Variants in LDLRAD4 observed in about 807,000 individuals in gnomAD.
LDLRAD4 encodes the protein low-density lipoprotein receptor class A domain-containing protein 4.
In LDLRAD4, 5 loss-of-function variants were observed where a neutral mutation model predicts 17.0. That is an observed-to-expected ratio of 0.29 (90% CI 0.15 to 0.62). The LOEUF (loss-of-function observed/expected upper bound fraction) is 0.62, where lower values mean the gene tolerates loss of function less well. LDLRAD4 is among the 20% of genes least tolerant of loss of function. LDLRAD4 has a pLI of 0.84. For missense variants in LDLRAD4, 340 were observed against 424.7 expected, an observed-to-expected ratio of 0.80 and a Z score of 1.75; for synonymous variants, 168 against 171.8, an observed-to-expected ratio of 0.98 and a Z score of 0.17.
rs1387101213 is a variant in LDLRAD4, at chr18:13,498,956, A to G, written c.181+60572A>G. ...CACCGGAGAATCCTTCTCGCCATAC[A>G]TGTCCTGCTGTGGACACTGGAGAAT... On this transcript the variant is annotated intron_variant, in intron 3 of 5. Coordinates refer to ENST00000359446, the Ensembl canonical transcript of LDLRAD4. 7.5e-5 allele frequency among the ~76,000 whole-genome samples: 10 copies of G among 134,122 alleles called. No individual in the cohort carries two copies. The East Asian group carries it at 1.2e-3, about 17-fold the overall frequency. 88.0% of individuals were successfully genotyped at this position (134,122 alleles called of 152,430 possible). A position where few individuals can be genotyped will look rare whatever the true frequency, so the allele number is the denominator to read the frequency against.
chr18:13,566,367 C>CTT (rs11462818), intron 3 of LDLRAD4, among the ~76,000 whole-genome samples: 67,604 of 143,338 alleles, frequency 0.47, 16,170 homozygotes, highest in Admixed American at 0.51. Flanking sequence ...ATGCCTTAGA[C>CTT]TTTTTTTTTT....
chr18:13,310,183 CAAAA>C lies in LDLRAD4; in HGVS notation c.-383+32009_-383+32012del, dbSNP rs5823247. Among the ~76,000 whole-genome samples the C allele has an allele frequency of 9.8e-4, 137 of 139,202 alleles. 4 individuals carry two copies. The highest frequency in any genetic ancestry group is 6.6e-4 in the Non-Finnish European group (43 of 64,940). The allele number at this position is 139,202 out of a possible 152,430, so 91.3% of individuals were successfully genotyped here. A position where few individuals can be genotyped will look rare whatever the true frequency, so the allele number is the denominator to read the frequency against. ...AACATAGTGAGACCCCTGTCTCTAC[CAAAA>C]AAAAAAAAAAAAATTAGCCGGGTGT... On this transcript the variant is annotated intron_variant, in intron 1 of 5. Transcript: ENST00000359446.
chr18:13,442,610 G>T (rs1027065407), intron 3 of LDLRAD4, among the ~76,000 whole-genome samples: 1 of 152,210 alleles, frequency 6.6e-6, no homozygotes, highest in African/African-American at 2.4e-5. Flanking sequence ...CCTGCTGGCC[G>T]GCCGGCTGCG....
intron 1 of LDLRAD4, among the ~76,000 whole-genome samples, chr18:13,284,410 G>A (rs568724532): frequency 2.6e-5 from 4 of 152,202 alleles, no homozygotes; most frequent in East Asian, 1.9e-4. Flanking sequence ...ATACTTTGAC[G>A]CTTTGCTTTA....
intron 4 of LDLRAD4, among the ~76,000 whole-genome samples, chr18:13,635,931 CTGTGTGTGTGTGTG>C (rs60695092): frequency 2.1e-4 from 31 of 147,448 alleles, no homozygotes; most frequent in African/African-American, 4.6e-4. Context: ...GACAGCTATG[CTGTGTGTGTGTGTG>C]TGTGTGTGTG....
chr18:13,438,954 G>A (rs115057220), intron 3 of LDLRAD4, among the ~76,000 whole-genome samples: 1 of 152,210 alleles, frequency 6.6e-6, no homozygotes, highest in Non-Finnish European at 1.5e-5. Flanking sequence ...CATGGTTTTT[G>A]TGACAAGGAA....
chr18:13,262,759 C>T (rs1373791622), intron 1 of LDLRAD4, among the ~76,000 whole-genome samples: 41 of 42,238 alleles, frequency 9.7e-4, no homozygotes, highest in South Asian at 1.0e-3. Flanking sequence ...CCCGTGCGGC[C>T]CTGTGCGTGG....
chr18:13,504,927 C>T (rs1378790901), intron 3 of LDLRAD4, among the ~76,000 whole-genome samples: 1 of 152,130 alleles, frequency 6.6e-6, no homozygotes, highest in Non-Finnish European at 1.5e-5. Flanking sequence ...CTAGAGGACA[C>T]ATGCACCGAC....
chr18:13,333,016 C>T (rs2081943645), intron 1 of LDLRAD4, among the ~76,000 whole-genome samples: 1 of 152,064 alleles, frequency 6.6e-6, no homozygotes, highest in African/African-American at 2.4e-5. Context: ...GTGATGGTAC[C>T]ATGTTGCATT....
rs1491536129 is a variant in LDLRAD4 at position 13,610,305 on chromosome 18, T to TTTTTTTTTTTTTTTTTTTTTTTTTC, written c.182-10812_182-10811insTTTTTTTTTTTTTTTTTTTTTTTTC. On this transcript the variant is annotated intron_variant, in intron 3 of 5. Coordinates refer to ENST00000359446, the Ensembl canonical transcript of LDLRAD4. ...TTTTTTTTTTTTTTTTTTTTTTTTT[T>TTTTTTTTTTTTTTTTTTTTTTTTTC]GAGACGGAGTCTCACTCTGTCGCCC... Among the ~76,000 whole-genome samples the TTTTTTTTTTTTTTTTTTTTTTTTTC allele has an allele frequency of 4.5e-4, 11 of 24,362 alleles. 4 individuals are homozygous for TTTTTTTTTTTTTTTTTTTTTTTTTC. The highest frequency in any genetic ancestry group is 6.9e-4 in the Non-Finnish European group (8 of 11,544). 16.0% of individuals were successfully genotyped at this position (24,362 alleles called of 152,430 possible).
In LDLRAD4 at chr18:13,642,574, T is replaced by G. The variant is rs1188268786; in HGVS notation, c.337-785T>G. The G allele has an allele frequency of 7.3e-6, 9 of 1,228,392 alleles. No individual in the cohort carries two copies. In the East Asian group the frequency reaches 2.5e-4, roughly 35 times the overall value. 76.1% of individuals were successfully genotyped at this position (1,228,392 alleles called of 1,614,324 possible). A position where few individuals can be genotyped will look rare whatever the true frequency, so the allele number is the denominator to read the frequency against. ...GGAGAAGACACTCGCTGGAGGATCC[T>G]GAGCCCAGGCTCGGAAAGGGCCGTC... is the stretch of plus-strand genomic sequence containing the variant. On this transcript the variant is annotated intron_variant, in intron 4 of 5. Coordinates refer to ENST00000359446, the Ensembl canonical transcript of LDLRAD4.
chr18:13,226,200 T>TTTTTTTTTTTTTG lies in LDLRAD4; in HGVS notation c.-467+7213_-467+7214insTTTTTTTTTTTGT, dbSNP rs1399999238. Among the ~76,000 whole-genome samples, 299 of 143,244 alleles carry TTTTTTTTTTTTTG rather than the reference T, an allele frequency of 2.1e-3. 12 individuals are homozygous for TTTTTTTTTTTTTG. The highest frequency in any genetic ancestry group is 3.9e-3 in the Non-Finnish European group (256 of 65,864). 94.0% of individuals were successfully genotyped at this position (143,244 alleles called of 152,430 possible). Reference sequence around the variant, plus strand: ...CCTTGCTTTTTTTTTTTTTTTTTTTTTGTAGAGACCGGGTTTCGCCATGTT... The same window carrying TTTTTTTTTTTTTG: ...CCTTGCTTTTTTTTTTTTTTTTTTTTTTTTTTTTTTTTGTGTAGAGACCGGGTTTCGCCATGTT... On this transcript the variant is annotated intron_variant, in intron 1 of 5. Coordinates refer to the LDLRAD4 transcript ENST00000399848.
chr18:13,578,825 G>GTTTTTTTTTTTTTTTT (rs1286958694), intron 3 of LDLRAD4, among the ~76,000 whole-genome samples: 4 of 49,884 alleles, frequency 8.0e-5, no homozygotes, highest in African/African-American at 2.6e-4. Flanking sequence ...AGTTGTCCGG[G>GTTTTTTTTTTTTTTTT]TCTTTTTTTT....
chr18:13,471,032 G>A (rs552026948), intron 3 of LDLRAD4: 1 of 152,290 alleles, frequency 6.6e-6, no homozygotes, highest in African/African-American at 2.4e-5. Context: ...CTTTACTGTG[G>A]GTGAAAGAGC....
chr18:13,450,326 A>T (rs56063564), intron 3 of LDLRAD4, among the ~76,000 whole-genome samples: 6 of 68,054 alleles, frequency 8.8e-5, no homozygotes, highest in Admixed American at 3.5e-4. Flanking sequence ...CTCTCCCCCC[A>T]CCCCCCCCCC....
intron 3 of LDLRAD4, among the ~76,000 whole-genome samples, chr18:13,618,922 T>C (rs1456554654): frequency 2.0e-5 from 3 of 152,208 alleles, no homozygotes; most frequent in Non-Finnish European, 2.9e-5. Context: ...CTTTCATGCT[T>C]ATCCCTGGGC....
chr18:13,423,377 T>C lies in LDLRAD4; in HGVS notation c.41-14867T>C, dbSNP rs538458151. 7.2e-5 allele frequency among the ~76,000 whole-genome samples: 11 copies of C among 151,748 alleles called. No homozygotes were observed. In the South Asian group the frequency reaches 1.7e-3, roughly 23 times the overall value. The stretch of plus-strand genomic sequence containing the variant: ...GCATGGTGGCGGGCTCCTGTAATCC[T>C]AGCTACTTAGGAAGCTGAGGCAAGA... On this transcript the variant is annotated intron_variant, in intron 2 of 5. Coordinates refer to ENST00000359446, the Ensembl canonical transcript of LDLRAD4.
chr18:13,583,836 A>G (rs1459757812), intron 3 of LDLRAD4, among the ~76,000 whole-genome samples: 2 of 152,244 alleles, frequency 1.3e-5, no homozygotes, highest in East Asian at 1.9e-4. Context: ...CAGTTCTGGC[A>G]TGGCAGGGCT....
At position 13,300,294 on chromosome 18, in the gene LDLRAD4, G is replaced by A. The variant is rs572060020; in HGVS notation, c.-383+22106G>A. Among the ~76,000 whole-genome samples the A allele has an allele frequency of 2.6e-5, 4 of 152,276 alleles. No homozygotes were observed. The highest frequency in any genetic ancestry group is 6.5e-5 in the Admixed American group (1 of 15,302). ...CTCTTCCCACTCTCCTGCCCACCCC[G>A]CGCCTGTGCTCTGCCTCAGCCACAA... is the stretch of plus-strand genomic sequence containing the variant. On this transcript the variant is annotated intron_variant, in intron 1 of 5. Transcript: ENST00000359446. This position sits in a 1 kb window ranked among gnomAD's most constrained non-coding sequence, Gnocchi z 4.2.
Sources: gnomAD v4.1 joint callset for allele counts (sites outside exome capture counted in the v4.1 genomes callset) on GRCh38, gnomAD v4.1.1 for gene constraint, Gnocchi (gnomAD v3.1) non-coding constraint, MANE v1.5 for transcripts, NCBI Gene and HGNC (gene_info 2026-07-23, HGNC 2026-07-21) for gene names.